Variants in STPG2 observed in about 807,000 individuals in gnomAD.
STPG2 encodes sperm-tail PG-rich repeat-containing protein 2.
Under a neutral mutation model 54.2 loss-of-function variants are expected in STPG2, and 56 were observed. The ratio of observed to expected loss-of-function variants is 1.03; its 90% confidence interval spans 0.83 to 1.29. The LOEUF (loss-of-function observed/expected upper bound fraction) is 1.29. Ranked by LOEUF, STPG2 falls within the 50% of genes most tolerant of loss-of-function variation. The probability of loss-of-function intolerance (pLI) is 0.00; values close to 1 mark genes in which losing one functional copy is unlikely to be tolerated. For synonymous variants in STPG2, 200 were observed against 181.8 expected, an observed-to-expected ratio of 1.10 and a Z score of -0.81; for missense variants, 596 against 544.9, an observed-to-expected ratio of 1.09 and a Z score of -0.93.
At chr4:97,493,262 G>A (rs923768907) in intron 4 of STPG2, among the ~76,000 whole-genome samples, 5 of 151,198 alleles carry the variant, frequency 3.3e-5, no homozygotes, top group Non-Finnish European at 4.4e-5. Context: ...ACCCAGCCCA[G>A]CCCTTATTGA....
intron 9 of STPG2, among the ~76,000 whole-genome samples, chr4:97,784,158 C>T (rs1188300601): frequency 6.7e-6 from 1 of 150,114 alleles, no homozygotes; most frequent in East Asian, 1.9e-4. Context: ...ACAACAACAA[C>T]AAAAAAGAAT....
At chr4:97,502,521 G>A (rs889106625) in intron 4 of STPG2, among the ~76,000 whole-genome samples, 1 of 151,982 alleles carries the variant, frequency 6.6e-6, no homozygotes, top group African/African-American at 2.4e-5. Flanking sequence ...AAAAGAGTAT[G>A]CATGGGTGCT....
At chr4:98,026,119 A>T (rs1736411694) in intron 5 of STPG2, 2 of 1,462,808 alleles carry the variant, frequency 1.4e-6, no homozygotes, top group Non-Finnish European at 1.9e-6. Flanking sequence ...CTGCTATACG[A>T]GAGAATCCAG....
At chr4:97,878,278 T>C (rs1730248725) in intron 8 of STPG2, among the ~76,000 whole-genome samples, 1 of 152,080 alleles carries the variant, frequency 6.6e-6, no homozygotes, top group African/African-American at 2.4e-5. Flanking sequence ...AATGGATCTC[T>C]TTTCACAGCT....
chr4:97,667,667 A>G (rs898969576), intron 10 of STPG2, among the ~76,000 whole-genome samples: 1 of 152,160 alleles, frequency 6.6e-6, no homozygotes, highest in African/African-American at 2.4e-5. Context: ...ATTTATTTGC[A>G]TCATATAACT....
intron 9 of STPG2, among the ~76,000 whole-genome samples, chr4:97,741,624 C>T (rs1026217784): frequency 2.6e-5 from 4 of 152,374 alleles, no homozygotes; most frequent in East Asian, 1.9e-4. Flanking sequence ...TGCTCACCAT[C>T]ACTGGCCATC....
intron 5 of STPG2, among the ~76,000 whole-genome samples, chr4:97,985,457 A>G (rs1007324588): frequency 6.6e-6 from 1 of 152,340 alleles, no homozygotes; most frequent in Non-Finnish European, 1.5e-5. Flanking sequence ...GACATAAGGC[A>G]ATTCAATGCA....
At chr4:97,868,181 A>G (rs1281624975) in intron 8 of STPG2, among the ~76,000 whole-genome samples, 1 of 151,798 alleles carries the variant, frequency 6.6e-6, no homozygotes, top group Non-Finnish European at 1.5e-5. Context: ...TCTTTTATTT[A>G]TGCCTTTAGC....
chr4:97,678,243 GC>G, intron 10 of STPG2, among the ~76,000 whole-genome samples: 1 of 152,072 alleles, frequency 6.6e-6, no homozygotes, highest in East Asian at 1.9e-4. Context: ...ATGAAATAAG[GC>G]CAGTAATGAG....
chr4:97,486,484 A>G (rs1332141618), intron 4 of STPG2, among the ~76,000 whole-genome samples: 1 of 151,702 alleles, frequency 6.6e-6, no homozygotes, highest in African/African-American at 2.4e-5. Flanking sequence ...CTACTCCTGC[A>G]AGAATGACCA....
chr4:98,043,000 T>C (rs1340658224), intron 5 of STPG2, among the ~76,000 whole-genome samples: 2 of 152,070 alleles, frequency 1.3e-5, no homozygotes, highest in African/African-American at 4.8e-5. Flanking sequence ...ATTTGCTATA[T>C]ATATTTAAGG....
chr4:97,491,265 C>T (rs938902828), intron 4 of STPG2, among the ~76,000 whole-genome samples: 2 of 151,516 alleles, frequency 1.3e-5, no homozygotes, highest in Non-Finnish European at 1.5e-5. Context: ...AACAACTTGC[C>T]CTCAGCTTCT....
intron 9 of STPG2, among the ~76,000 whole-genome samples, chr4:97,749,352 G>A (rs780794302): frequency 3.3e-5 from 5 of 151,658 alleles, no homozygotes; most frequent in Admixed American, 6.6e-5. Flanking sequence ...CACCATAAGA[G>A]TGGCTTCACT....
chr4:97,656,720 C>T (rs1440300245), intron 10 of STPG2, among the ~76,000 whole-genome samples: 1 of 150,014 alleles, frequency 6.7e-6, no homozygotes, highest in East Asian at 1.9e-4. Flanking sequence ...ACATCGAATA[C>T]TAGTATTGTG....
intron 4 of STPG2, among the ~76,000 whole-genome samples, chr4:97,463,834 TG>T: frequency 6.6e-6 from 1 of 152,350 alleles, no homozygotes. Flanking sequence ...TAACACCATA[TG>T]TTTTTTCAGA....
chr4:97,636,054 C>A (rs1578442506), intron 10 of STPG2, among the ~76,000 whole-genome samples: 1 of 152,210 alleles, frequency 6.6e-6, no homozygotes, highest in Admixed American at 6.5e-5. Flanking sequence ...TTCAGCACCA[C>A]ATCACACCTA....
At chr4:97,564,224 A>T (rs1256829459) in intron 10 of STPG2, among the ~76,000 whole-genome samples, 12 of 151,992 alleles carry the variant, frequency 7.9e-5, no homozygotes, top group Admixed American at 5.9e-4. Context: ...TGTTGGTTTA[A>T]AGTCTGTTTT....
chr4:97,513,479 A>G (rs1016100420), intron 4 of STPG2, among the ~76,000 whole-genome samples: 5 of 152,006 alleles, frequency 3.3e-5, no homozygotes, highest in African/African-American at 9.7e-5. Flanking sequence ...CTTTCAAGTG[A>G]CCAGCCCCCA....
chr4:97,483,884 C>T (rs1730287482), intron 4 of STPG2, among the ~76,000 whole-genome samples: 2 of 151,800 alleles, frequency 1.3e-5, no homozygotes, highest in African/African-American at 4.8e-5. Flanking sequence ...CTCTCTCAGA[C>T]CACAGTGGAA....
Sources: gnomAD v4.1 joint callset for allele counts (sites outside exome capture counted in the v4.1 genomes callset) on GRCh38, gnomAD v4.1.1 for gene constraint, MANE v1.5 for transcripts, NCBI Gene and HGNC (gene_info 2026-07-23, HGNC 2026-07-21) for gene names.